PHLPP1: variants seen among roughly 807,000 people sequenced by gnomAD.
The protein encoded by PHLPP1 is PH domain leucine-rich repeat-containing protein phosphatase 1.
Under a neutral mutation model 117.2 loss-of-function variants are expected in PHLPP1, and 42 were observed. The ratio of observed to expected loss-of-function variants is 0.36; its 90% confidence interval spans 0.28 to 0.46. PHLPP1 has a LOEUF of 0.46. PHLPP1 is among the 20% of genes least tolerant of loss of function. PHLPP1 has a pLI of 1.00. For synonymous variants in PHLPP1, 1,042 were observed against 970.7 expected, an observed-to-expected ratio of 1.07 and a Z score of -1.37; for missense variants, 2,084 against 2,241.9, an observed-to-expected ratio of 0.93 and a Z score of 1.42.
chr18:62,848,091 T>A (rs1915225657), intron 3 of PHLPP1, among the ~76,000 whole-genome samples: 2 of 152,196 alleles, frequency 1.3e-5, no homozygotes, highest in African/African-American at 4.8e-5. Flanking sequence ...TCTCATAGAT[T>A]TTTTTGGGTG....
intron 4 of PHLPP1, among the ~76,000 whole-genome samples, chr18:62,893,230 A>T (rs561818100): frequency 6.6e-6 from 1 of 152,050 alleles, no homozygotes; most frequent in Admixed American, 6.6e-5. Flanking sequence ...TTTTTAGTAG[A>T]GACAAAGTTT....
intron 10 of PHLPP1, among the ~76,000 whole-genome samples, chr18:62,930,156 A>G (rs1909764472): frequency 6.6e-6 from 1 of 152,218 alleles, no homozygotes; most frequent in African/African-American, 2.4e-5. Context: ...AGATAACCAT[A>G]GAACAAAAAC....
At chr18:62,807,618 C>G (rs1222869244) in intron 1 of PHLPP1, among the ~76,000 whole-genome samples, 2 of 152,178 alleles carry the variant, frequency 1.3e-5, no homozygotes, top group Non-Finnish European at 2.9e-5. Flanking sequence ...ACAGCTTACT[C>G]CACACCTCTC....
At chr18:62,733,252 C>T (rs1226428483) in intron 1 of PHLPP1, among the ~76,000 whole-genome samples, 1 of 152,196 alleles carries the variant, frequency 6.6e-6, no homozygotes, top group Non-Finnish European at 1.5e-5. Context: ...CTGAATCAGT[C>T]AGCAGCCATC....
intron 1 of PHLPP1, among the ~76,000 whole-genome samples, chr18:62,819,156 G>A (rs1168917557): frequency 6.6e-6 from 1 of 152,104 alleles, no homozygotes; most frequent in Non-Finnish European, 1.5e-5. Context: ...CAAACAAATG[G>A]CAACAGTAGC....
At position 62,905,209 on chromosome 18, in the gene PHLPP1, T is replaced by C; in HGVS notation, c.2648-15T>C. 6.6e-7 allele frequency: 1 copy of C among 1,512,790 alleles called. No homozygotes were observed. The highest frequency in any genetic ancestry group is 1.4e-5 in the South Asian group (1 of 71,942). The allele number at this position is 1,512,790 out of a possible 1,614,324, so 93.7% of individuals were successfully genotyped here. A position where few individuals can be genotyped will look rare whatever the true frequency, so the allele number is the denominator to read the frequency against. ...TATAGTAATGTCTTTGTGGGGTTTT[T>C]TTTTTTCTTCCTAGAACTTGTTCAA... On this transcript the variant is annotated splice_polypyrimidine_tract_variant and intron_variant, in intron 7 of 16. Coordinates refer to ENST00000262719, the MANE Select transcript of PHLPP1 (RefSeq NM_194449.4).
chr18:62,719,047 T>A (rs954585314), intron 1 of PHLPP1, among the ~76,000 whole-genome samples: 1 of 152,352 alleles, frequency 6.6e-6, no homozygotes, highest in African/African-American at 2.4e-5. Context: ...TTTGGCATGA[T>A]CTTTTAATCT....
rs1911318892 is a variant in PHLPP1, at chr18:62,979,643, T to G, written c.*212T>G. On this transcript the variant is annotated 3_prime_UTR_variant, in exon 17 of 17. Transcript: ENST00000262719. ...TCTAGTGATGCTTTACCAATATGATTTACATTTGTTAACTTCTCCCCCTAA... is the reference window on the plus strand; with the variant it reads ...TCTAGTGATGCTTTACCAATATGATGTACATTTGTTAACTTCTCCCCCTAA... 2 of 585,782 alleles carry G rather than the reference T, an allele frequency of 3.4e-6. No individual in the cohort carries two copies. The highest frequency in any genetic ancestry group is 3.7e-5 in the African/African-American group (2 of 53,644). 36.3% of individuals were successfully genotyped at this position (585,782 alleles called of 1,614,324 possible).
At chr18:62,819,567 A>T (rs1189863411) in intron 1 of PHLPP1, among the ~76,000 whole-genome samples, 2 of 152,228 alleles carry the variant, frequency 1.3e-5, no homozygotes, top group Non-Finnish European at 2.9e-5. Context: ...ATGTAAAAGG[A>T]GTAAATGTTT....
chr18:62,854,727 G>C (rs551718117), intron 3 of PHLPP1, among the ~76,000 whole-genome samples: 1 of 132,366 alleles, frequency 7.6e-6, no homozygotes, highest in Non-Finnish European at 1.5e-5. Context: ...ATGAAGTTTC[G>C]CTCTTGTCAC....
intron 10 of PHLPP1, among the ~76,000 whole-genome samples, chr18:62,940,768 A>G (rs781733946): frequency 3.9e-5 from 6 of 152,238 alleles, no homozygotes; most frequent in Non-Finnish European, 5.9e-5. Flanking sequence ...AAATACAGAA[A>G]AGAGGCCAGA....
At chr18:62,744,042 C>G (rs1163778810) in intron 1 of PHLPP1, among the ~76,000 whole-genome samples, 1 of 152,182 alleles carries the variant, frequency 6.6e-6, no homozygotes, top group Non-Finnish European at 1.5e-5. Context: ...ATGTGGCTCA[C>G]AGGTGTGTTT....
chr18:62,810,817 C>T (rs987050685), intron 1 of PHLPP1, among the ~76,000 whole-genome samples: 1 of 152,082 alleles, frequency 6.6e-6, no homozygotes, highest in African/African-American at 2.4e-5. Context: ...AAAATAAAAA[C>T]GTTGTAAAAC....
At chr18:62,778,598 T>A (rs1298063021) in intron 1 of PHLPP1, among the ~76,000 whole-genome samples, 5 of 152,210 alleles carry the variant, frequency 3.3e-5, no homozygotes. Context: ...GAGACATAGC[T>A]ATTTAAGTGT....
At chr18:62,785,958 A>G (rs1049002936) in intron 1 of PHLPP1, among the ~76,000 whole-genome samples, 1 of 152,198 alleles carries the variant, frequency 6.6e-6, no homozygotes, top group African/African-American at 2.4e-5. Flanking sequence ...GGAGATGACT[A>G]CTTCCTAAAT....
chr18:62,918,428 A>AT (rs1909364303), intron 9 of PHLPP1, among the ~76,000 whole-genome samples: 9 of 134,358 alleles, frequency 6.7e-5, no homozygotes, highest in Admixed American at 5.3e-4. Context: ...GGTAAAGGAT[A>AT]AATATATATA....
intron 14 of PHLPP1, among the ~76,000 whole-genome samples, chr18:62,968,234 G>A (rs1407860306): frequency 2.6e-5 from 4 of 152,308 alleles, no homozygotes; most frequent in African/African-American, 9.6e-5. Context: ...ATGTCTTTGG[G>A]TTTGGTATCA....
At chr18:62,767,173 A>G (rs538175619) in intron 1 of PHLPP1, among the ~76,000 whole-genome samples, 5 of 152,228 alleles carry the variant, frequency 3.3e-5, no homozygotes, top group Non-Finnish European at 7.3e-5. Flanking sequence ...ATCTCAGTAT[A>G]TGGAAAGGAG....
chr18:62,783,318 C>T (rs1002298200), intron 1 of PHLPP1, among the ~76,000 whole-genome samples: 14 of 150,050 alleles, frequency 9.3e-5, no homozygotes, highest in African/African-American at 3.2e-4. Flanking sequence ...AGCTCTGCCT[C>T]CTGGGTTCAC....
Sources: allele counts gnomAD v4.1 joint callset (sites outside exome capture counted in the v4.1 genomes callset), GRCh38; gene constraint gnomAD v4.1.1; transcripts MANE v1.5; gene names NCBI Gene and HGNC (gene_info 2026-07-23, HGNC 2026-07-21).